The following SLC35F2 variants were observed in gnomAD, a reference collection of about 807,000 sequenced individuals.
SLC35F2 encodes queuine/queuosine transporter SLC35F2.
SLC35F2 carries 25 observed loss-of-function variants against 38.1 expected under a neutral mutation model. The ratio of observed to expected loss-of-function variants is 0.66; its 90% confidence interval spans 0.48 to 0.92. The LOEUF is 0.92. SLC35F2 is among the 40% of genes least tolerant of loss of function. The pLI is 0.00. For synonymous variants in SLC35F2, 173 were observed against 181.7 expected (o/e 0.95, Z 0.38); for missense variants, 409 against 452.9 (o/e 0.90, Z 0.88).
intron 1 of SLC35F2, among the ~76,000 whole-genome samples, chr11:107,855,325 T>G (rs974286405): frequency 6.6e-6 from 1 of 152,008 alleles, no homozygotes; most frequent in African/African-American, 2.4e-5. Context: ...GTGGTAGATA[T>G]AAAAAAGAAA....
chr11:107,818,012 G>A (rs1463660061), intron 1 of SLC35F2, among the ~76,000 whole-genome samples: 13 of 141,520 alleles, frequency 9.2e-5, no homozygotes, highest in African/African-American at 1.9e-4. Flanking sequence ...AGCCGAGATC[G>A]TGCCACTGCA....
intron 1 of SLC35F2, among the ~76,000 whole-genome samples, chr11:107,828,777 T>C (rs1859792240): frequency 6.6e-6 from 1 of 152,104 alleles, no homozygotes; most frequent in South Asian, 2.1e-4. Context: ...TCTCCTGCTA[T>C]GATTTGAATA....
chr11:107,812,698 T>C (rs1367071969), intron 2 of SLC35F2, among the ~76,000 whole-genome samples: 1 of 152,216 alleles, frequency 6.6e-6, no homozygotes, highest in Admixed American at 6.5e-5. Flanking sequence ...AAATAGTTTT[T>C]TTTTAAAATC....
chr11:107,827,093 T>G (rs1859764298), intron 1 of SLC35F2, among the ~76,000 whole-genome samples: 1 of 152,110 alleles, frequency 6.6e-6, no homozygotes, highest in African/African-American at 2.4e-5. Flanking sequence ...AGAAAAAAGA[T>G]GAAGATGTAA....
chr11:107,855,669 A>G (rs1860266248), intron 1 of SLC35F2, among the ~76,000 whole-genome samples: 1 of 151,828 alleles, frequency 6.6e-6, no homozygotes, highest in African/African-American at 2.4e-5. Flanking sequence ...AAAAATGCCC[A>G]TAACTGCTAT....
At chr11:107,853,536 G>A (rs958971592) in intron 1 of SLC35F2, among the ~76,000 whole-genome samples, 4 of 151,694 alleles carry the variant, frequency 2.6e-5, no homozygotes, top group Non-Finnish European at 5.9e-5. Context: ...GGCTAACACA[G>A]TGAAACCCCG....
chr11:107,825,861 C>T (rs1859746725), intron 1 of SLC35F2, among the ~76,000 whole-genome samples: 1 of 152,146 alleles, frequency 6.6e-6, no homozygotes, highest in Non-Finnish European at 1.5e-5. Flanking sequence ...AAAAACTTAA[C>T]AGTACTTCTG....
intron 1 of SLC35F2, among the ~76,000 whole-genome samples, chr11:107,849,798 T>C (rs569519264): frequency 6.6e-6 from 1 of 152,196 alleles, no homozygotes; most frequent in Non-Finnish European, 1.5e-5. Flanking sequence ...AAAGGTTGTC[T>C]AGAACTGGTC....
chr11:107,834,673 G>A (rs995217466), intron 1 of SLC35F2, among the ~76,000 whole-genome samples: 3 of 151,926 alleles, frequency 2.0e-5, no homozygotes, highest in African/African-American at 7.3e-5. Context: ...AATGAATGAA[G>A]CTACAAAAAC....
chr11:107,810,707 G>A, intron 3 of SLC35F2: 1 of 981,296 alleles, frequency 1.0e-6, no homozygotes, highest in Non-Finnish European at 1.2e-6. Context: ...ACAATGCTTA[G>A]CACAATGTTA....
chr11:107,829,566 A>G lies in SLC35F2; in HGVS notation c.111-13601T>C, dbSNP rs115070722. Among the ~76,000 whole-genome samples the G allele has an allele frequency of 7.3e-3, 1,108 of 152,094 alleles. 18 individuals carry two copies. Among genetic ancestry groups the G allele is most frequent in the African/African-American group, 0.025 (1,052 of 41,500 alleles). On this transcript the variant is annotated intron_variant, in intron 1 of 7. Transcript: ENST00000525815. Reference sequence around the variant, plus strand: ...TGGACTTCCCAGCCTTTAGAGCTATATGAAATAAACTTCTTTTCTGTATAA... The same window carrying G: ...TGGACTTCCCAGCCTTTAGAGCTATGTGAAATAAACTTCTTTTCTGTATAA...
rs1161314001 is a variant in SLC35F2, at chr11:107,792,529, G to A, written c.*86C>T. On this transcript the variant is annotated 3_prime_UTR_variant, in exon 8 of 8. Transcript: ENST00000525815. The stretch of plus-strand genomic sequence containing the variant: ...CCCAGGGTTGTAGAGTGTCCATTCT[G>A]AGTCTGCTATTTCCCCAAGTGTCCC... 2 of 1,449,668 alleles carry A rather than the reference G, an allele frequency of 1.4e-6. No homozygotes were observed. The highest frequency in any genetic ancestry group is 2.8e-5 in the African/African-American group (2 of 70,542). 89.8% of individuals were successfully genotyped at this position (1,449,668 alleles called of 1,614,324 possible).
chr11:107,799,594 T>TTTTG (rs1244385341), intron 7 of SLC35F2, among the ~76,000 whole-genome samples: 1 of 151,996 alleles, frequency 6.6e-6, no homozygotes, highest in Non-Finnish European at 1.5e-5. Flanking sequence ...ATTTTACTTT[T>TTTTG]TTTGTTTGTT....
At chr11:107,805,000 T>C in intron 5 of SLC35F2, 42 of 968,942 alleles carry the variant, frequency 4.3e-5, no homozygotes, top group Non-Finnish European at 5.2e-5. Context: ...TAGTCAAGTA[T>C]AGGAGGAAAA....
intron 1 of SLC35F2, among the ~76,000 whole-genome samples, chr11:107,825,712 C>T (rs1859745036): frequency 6.6e-6 from 1 of 152,114 alleles, no homozygotes; most frequent in Admixed American, 6.6e-5. Context: ...GATACTTATG[C>T]TGCTGGTCCA....
intron 1 of SLC35F2, among the ~76,000 whole-genome samples, chr11:107,827,005 G>A (rs972503071): frequency 4.0e-5 from 6 of 151,864 alleles, no homozygotes; most frequent in African/African-American, 1.5e-4. Context: ...TATGAATATT[G>A]TATATACATA....
chr11:107,851,708 T>C (rs1330729599), intron 1 of SLC35F2, among the ~76,000 whole-genome samples: 1 of 152,014 alleles, frequency 6.6e-6, no homozygotes, highest in African/African-American at 2.4e-5. Context: ...GAATATACAA[T>C]GGCCATAACT....
At chr11:107,858,599 G>T (rs1860336073) in intron 1 of SLC35F2, 59 bp downstream of exon 1, 1 of 1,235,416 alleles carries the variant, frequency 8.1e-7, no homozygotes, top group Non-Finnish European at 1.0e-6. Flanking sequence ...CCACGTGCGC[G>T]CAGGGCCCGC....
rs1860059816 is a variant in SLC35F2 at position 107,843,871 on chromosome 11, ATATATATATATATATATAT to A, written c.110+14768_110+14786del. 3.8e-4 allele frequency among the ~76,000 whole-genome samples: 15 copies of A among 39,700 alleles called. 1 individual carries two copies. Among genetic ancestry groups the A allele is most frequent in the Middle Eastern group, 0.015 (1 of 68 alleles). 26.0% of individuals were successfully genotyped at this position (39,700 alleles called of 152,430 possible). On this transcript the variant is annotated intron_variant, in intron 1 of 7. Coordinates refer to ENST00000525815, the MANE Select transcript of SLC35F2 (RefSeq NM_017515.5). The stretch of plus-strand genomic sequence containing the variant: ...TAAAAAAAAAAAAAAAAAAAAAAAT[ATATATATATATATATATAT>A]ATATATATATATATATATGTATATT...
Sources: gnomAD v4.1 joint callset for allele counts (sites outside exome capture counted in the v4.1 genomes callset) on GRCh38, gnomAD v4.1.1 for gene constraint, MANE v1.5 for transcripts, NCBI Gene and HGNC (gene_info 2026-07-23, HGNC 2026-07-21) for gene names.